The following USP6NL variants were observed in gnomAD, a reference collection of about 807,000 sequenced individuals.
USP6NL encodes USP6 N-terminal like.
A neutral mutation model predicts 61.9 loss-of-function variants in USP6NL; 26 were observed. That is an observed-to-expected ratio of 0.42 (90% CI 0.31 to 0.58). The LOEUF is 0.58. Among genes scored for constraint, USP6NL ranks in the 20% least tolerant of loss-of-function variants. The pLI, the probability that USP6NL is intolerant of heterozygous loss-of-function variation, is 0.16. For missense variants in USP6NL, 1,114 were observed against 1,034.3 expected, an observed-to-expected ratio of 1.08 and a Z score of -1.06; for synonymous variants, 432 against 390.1, an observed-to-expected ratio of 1.11 and a Z score of -1.27.
Position 11,463,214 on chromosome 10 carries a change from C to A in USP6NL, c.1714G>T (p.Ala572Ser), listed in dbSNP as rs753089930. 18 of 1,613,410 alleles carry A rather than the reference C, an allele frequency of 1.1e-5. No individual in the cohort carries two copies. In the African/African-American group the frequency reaches 1.9e-4, roughly 17 times the overall value. Residue 572 changes from alanine (A) to serine (S), a missense_variant, in exon 15 of 15, where the codon GCT (alanine) becomes TCT (serine). Transcript: ENST00000609104. This position sits in a 1 kb window ranked among gnomAD's most constrained non-coding sequence, Gnocchi z 6.3. Reference protein sequence around the residue: ...GASVEEALERAYSQSPRHALY... With the variant: ...GASVEEALERSYSQSPRHALY... ...GCATGCCGGGGGCTCTGGGAGTAAG[C>A]CCTTTCCAGCGCCTCCTCCACGGAA...
At chr10:11,509,208 G>A (rs1834592699) in intron 6 of USP6NL, among the ~76,000 whole-genome samples, 1 of 152,194 alleles carries the variant, frequency 6.6e-6, no homozygotes, top group African/African-American at 2.4e-5. Context: ...AGTATGATCT[G>A]TGGATACAAA....
At chr10:11,576,462 A>C (rs1837549389) in intron 2 of USP6NL, among the ~76,000 whole-genome samples, 1 of 152,248 alleles carries the variant, frequency 6.6e-6, no homozygotes, top group African/African-American at 2.4e-5. Context: ...ATTAAATCAC[A>C]GGAGCAGAGC....
At position 11,462,377 on chromosome 10, in the gene USP6NL, A is replaced by G; in HGVS notation, c.*64T>C. On this transcript the variant is annotated 3_prime_UTR_variant, in exon 15 of 15. Coordinates refer to ENST00000609104, the MANE Select transcript of USP6NL (RefSeq NM_014688.5). ...TAGTATAAATACTGCTTTGGCAATT[A>G]TGAACATAGCAATGTAGGTTTCACG... 6.5e-7 allele frequency: 1 copy of G among 1,530,946 alleles called. No homozygotes were observed. The highest frequency in any genetic ancestry group is 8.8e-7 in the Non-Finnish European group (1 of 1,136,570). 94.8% of individuals were successfully genotyped at this position (1,530,946 alleles called of 1,614,324 possible).
intron 14 of USP6NL, among the ~76,000 whole-genome samples, chr10:11,467,090 G>C (rs920727365): frequency 2.6e-5 from 4 of 152,216 alleles, no homozygotes; most frequent in African/African-American, 9.6e-5. Context: ...ACCTCCCCAT[G>C]TGACGCCATC....
In USP6NL at chr10:11,485,478, G is replaced by A. The variant is rs1227061006; in HGVS notation, c.760-244C>T. Reference sequence around the variant, plus strand: ...TGTTTTATAGTAAGGCATATATATAGTTCACTAACAACGAGTTTCTGTGAC... The same window carrying A: ...TGTTTTATAGTAAGGCATATATATAATTCACTAACAACGAGTTTCTGTGAC... On this transcript the variant is annotated intron_variant, in intron 11 of 14. Transcript: ENST00000609104. The surrounding 1 kb of genome is among the most constrained non-coding windows in gnomAD (Gnocchi z 4.8). 6.6e-6 allele frequency among the ~76,000 whole-genome samples: 1 copy of A among 152,030 alleles called. No homozygotes were observed. Among genetic ancestry groups the A allele is most frequent in the East Asian group, 1.9e-4 (1 of 5,200 alleles).
chr10:11,579,309 ATC>A (rs1837660710), intron 2 of USP6NL, among the ~76,000 whole-genome samples: 4 of 152,224 alleles, frequency 2.6e-5, no homozygotes, highest in African/African-American at 9.6e-5. Flanking sequence ...CAAATTGATA[ATC>A]ACTTCCCTGT....
intron 2 of USP6NL, among the ~76,000 whole-genome samples, chr10:11,529,604 A>C (rs1241461051): frequency 6.6e-6 from 1 of 152,240 alleles, no homozygotes; most frequent in African/African-American, 2.4e-5. Flanking sequence ...TGAATAACTA[A>C]ACAGAATGAT....
At chr10:11,559,866 C>T (rs776752854) in intron 2 of USP6NL, among the ~76,000 whole-genome samples, 2 of 152,112 alleles carry the variant, frequency 1.3e-5, no homozygotes, top group Non-Finnish European at 2.9e-5. Flanking sequence ...TTCATTTTCC[C>T]TATCTGCAAA....
chr10:11,531,465 G>A (rs1385840537), intron 2 of USP6NL, among the ~76,000 whole-genome samples: 3 of 151,956 alleles, frequency 2.0e-5, no homozygotes, highest in Non-Finnish European at 2.9e-5. Context: ...TGGGACTACA[G>A]GTGTGAGCCA....
chr10:11,504,081 A>AG (rs1834330260), intron 6 of USP6NL, among the ~76,000 whole-genome samples: 1 of 152,238 alleles, frequency 6.6e-6, no homozygotes, highest in African/African-American at 2.4e-5. Flanking sequence ...AAGCAGTAGG[A>AG]GGTGACAAAA....
intron 4 of USP6NL, among the ~76,000 whole-genome samples, chr10:11,519,474 A>G (rs932697118): frequency 2.6e-5 from 4 of 152,152 alleles, no homozygotes; most frequent in African/African-American, 9.7e-5. Context: ...TGCTAAAAAC[A>G]CAAAAATTAA....
At chr10:11,555,433 A>AAAAAAAAAAATAT (rs1275798295) in intron 2 of USP6NL, among the ~76,000 whole-genome samples, 5 of 49,020 alleles carry the variant, frequency 1.0e-4, no homozygotes, top group African/African-American at 4.7e-4. Flanking sequence ...AAAAAAAAAA[A>AAAAAAAAAAATAT]ATATATATAT....
chr10:11,500,372 T>G (rs970694967), intron 7 of USP6NL, among the ~76,000 whole-genome samples: 3 of 152,192 alleles, frequency 2.0e-5, no homozygotes, highest in African/African-American at 7.2e-5. Context: ...AATTTTTATT[T>G]TTTCCCATTT....
At chr10:11,508,739 ATGAC>A (rs1834567173) in intron 6 of USP6NL, among the ~76,000 whole-genome samples, 1 of 152,248 alleles carries the variant, frequency 6.6e-6, no homozygotes, top group Non-Finnish European at 1.5e-5. Flanking sequence ...ACCAAGTGCA[ATGAC>A]TGTGTCAAGA....
Position 11,481,980 on chromosome 10 carries a change from A to T in USP6NL, c.926-58T>A. ...GTCAATAGCTACTTTAGGTAGGAAG[A>T]TATTCTATTATATTCAGGTGTAGTG... On this transcript the variant is annotated intron_variant, in intron 13 of 14. Coordinates refer to ENST00000609104, the MANE Select transcript of USP6NL (RefSeq NM_014688.5). This position sits in a 1 kb window ranked among gnomAD's most constrained non-coding sequence, Gnocchi z 4.4. 6.7e-7 allele frequency: 1 copy of T among 1,482,434 alleles called. No individual in the cohort carries two copies. Among genetic ancestry groups the T allele is most frequent in the Non-Finnish European group, 9.0e-7 (1 of 1,110,506 alleles). 91.8% of individuals were successfully genotyped at this position (1,482,434 alleles called of 1,614,324 possible). A position where few individuals can be genotyped will look rare whatever the true frequency, so the allele number is the denominator to read the frequency against.
intron 2 of USP6NL, among the ~76,000 whole-genome samples, chr10:11,576,951 G>T (rs1837569183): frequency 6.6e-6 from 1 of 151,798 alleles, no homozygotes; most frequent in South Asian, 2.1e-4. Flanking sequence ...AGGTAGAAAT[G>T]ATATTTTTCA....
chr10:11,605,443 C>G (rs1451425818), intron 1 of USP6NL, among the ~76,000 whole-genome samples: 1 of 152,150 alleles, frequency 6.6e-6, no homozygotes, highest in East Asian at 1.9e-4. Context: ...CTTACCTAAC[C>G]TATAATGACT....
chr10:11,522,591 C>G (rs1835255811), intron 4 of USP6NL, among the ~76,000 whole-genome samples: 1 of 152,166 alleles, frequency 6.6e-6, no homozygotes, highest in Non-Finnish European at 1.5e-5. Flanking sequence ...TTATGTTCAT[C>G]TGTGTTGTCT....
chr10:11,530,424 T>C (rs982020277), intron 2 of USP6NL, among the ~76,000 whole-genome samples: 3 of 152,244 alleles, frequency 2.0e-5, no homozygotes, highest in Non-Finnish European at 4.4e-5. Context: ...AAGCTTTACA[T>C]AGATCACTGT....
Sources: allele counts gnomAD v4.1 joint callset (sites outside exome capture counted in the v4.1 genomes callset), GRCh38; gene constraint gnomAD v4.1.1; non-coding constraint Gnocchi (gnomAD v3.1); transcripts MANE v1.5; gene names NCBI Gene and HGNC (gene_info 2026-07-23, HGNC 2026-07-21).